Variants in KCNJ6 observed in about 807,000 individuals in gnomAD.
KCNJ6 encodes potassium inwardly rectifying channel subfamily J member 6.
A neutral mutation model predicts 34.2 loss-of-function variants in KCNJ6; 9 were observed. The ratio of observed to expected loss-of-function variants is 0.26; its 90% CI spans 0.16 to 0.46. The LOEUF (loss-of-function observed/expected upper bound fraction) is 0.46, where lower values mean the gene tolerates loss of function less well. KCNJ6 is among the 20% of genes least tolerant of loss of function. The pLI is 1.00. For missense variants in KCNJ6, 236 were observed against 531.3 expected (o/e 0.44, Z 5.46); for synonymous variants, 196 against 207.1 (o/e 0.95, Z 0.46).
intron 2 of KCNJ6, among the ~76,000 whole-genome samples, chr21:37,836,752 C>T (rs138697148): frequency 6.6e-6 from 1 of 151,982 alleles, no homozygotes; most frequent in African/African-American, 2.4e-5. Context: ...GTTGGGGGGC[C>T]AGAGGAGGGA....
intron 2 of KCNJ6, among the ~76,000 whole-genome samples, chr21:37,826,312 G>A (rs1297664471): frequency 6.6e-6 from 1 of 152,202 alleles, no homozygotes; most frequent in Non-Finnish European, 1.5e-5. Context: ...AAAACAGGAA[G>A]TTAAAATTAC....
Position 37,617,263 on chromosome 21 carries a change from G to T in KCNJ6, c.*7896C>A, listed in dbSNP as rs1266555452. 2.0e-5 allele frequency: 3 copies of T among 149,090 alleles called. No homozygotes were observed. The highest frequency in any genetic ancestry group is 7.5e-5 in the African/African-American group (3 of 40,194). 9.2% of individuals were successfully genotyped at this position (149,090 alleles called of 1,614,324 possible). On this transcript the variant is annotated 3_prime_UTR_variant, in exon 4 of 4. Coordinates refer to ENST00000609713, the MANE Select transcript of KCNJ6 (RefSeq NM_002240.5). ...AGACTGAGTCTCGCTCCGTGGCCCA[G>T]GCTGGAGTGCAGTGGCATGATCTCA...
chr21:37,814,554 G>T (rs2055337056), intron 2 of KCNJ6, among the ~76,000 whole-genome samples: 1 of 152,160 alleles, frequency 6.6e-6, no homozygotes, highest in Non-Finnish European at 1.5e-5. Flanking sequence ...CAGATGAATG[G>T]ATATAGAAAA....
intron 1 of KCNJ6, among the ~76,000 whole-genome samples, chr21:37,902,785 G>A (rs2055823235): frequency 1.3e-5 from 2 of 152,138 alleles, no homozygotes; most frequent in Non-Finnish European, 2.9e-5. Context: ...ACATGACTTT[G>A]CATTTTGGTG....
In KCNJ6 at chr21:37,665,005, C is replaced by T. The variant is rs566060611; in HGVS notation, c.947-39521G>A. 1.3e-3 allele frequency among the ~76,000 whole-genome samples: 193 copies of T among 152,072 alleles called. 1 individual carries two copies. Among genetic ancestry groups the T allele is most frequent in the African/African-American group, 4.2e-3 (176 of 41,474 alleles). On this transcript the variant is annotated intron_variant, in intron 3 of 3. Transcript: ENST00000609713. ...TAGAGACGGGGTTTCACCGTGTTAGCCAGGATGGTCTCGATCTCCTGACCT... is the reference window on the plus strand; with the variant it reads ...TAGAGACGGGGTTTCACCGTGTTAGTCAGGATGGTCTCGATCTCCTGACCT...
At chr21:37,891,733 A>G (rs2123635396) in intron 1 of KCNJ6, among the ~76,000 whole-genome samples, 1 of 152,268 alleles carries the variant, frequency 6.6e-6, no homozygotes, top group South Asian at 2.1e-4. Context: ...TAAATTTTAA[A>G]GGCTTGAATA....
At chr21:37,642,591 A>C (rs2054385929) in intron 3 of KCNJ6, among the ~76,000 whole-genome samples, 1 of 152,144 alleles carries the variant, frequency 6.6e-6, no homozygotes, top group Non-Finnish European at 1.5e-5. Context: ...TTTCTCAAGC[A>C]TCTGACCCCG....
chr21:37,655,260 AGAGAGAGAGAGAGAGAGAGAGAGAGT>A (rs1165610633), intron 3 of KCNJ6, among the ~76,000 whole-genome samples: 1,390 of 90,412 alleles, frequency 0.015, 57 homozygotes, highest in African/African-American at 0.054. Flanking sequence ...AGAGAGAGAG[AGAGAGAGAGAGAGAGAGAGAGAGAGT>A]GTAACCATGA....
chr21:37,785,010 C>T (rs1473086976), intron 2 of KCNJ6, among the ~76,000 whole-genome samples: 1 of 152,184 alleles, frequency 6.6e-6, no homozygotes, highest in African/African-American at 2.4e-5. Context: ...TGTCTGCCTG[C>T]TTTTGAGAGC....
chr21:37,905,486 T>C (rs77468123), intron 1 of KCNJ6, among the ~76,000 whole-genome samples: 11,418 of 152,208 alleles, frequency 0.075, 452 homozygotes, highest in African/African-American at 0.081. Context: ...GCAATTACTT[T>C]TGCACCAACC....
intron 2 of KCNJ6, among the ~76,000 whole-genome samples, chr21:37,765,838 C>T (rs986282217): frequency 3.1e-4 from 47 of 152,226 alleles, no homozygotes; most frequent in Non-Finnish European, 4.0e-4. Context: ...CAACTATCCT[C>T]ATTTAATTGT....
intron 2 of KCNJ6, among the ~76,000 whole-genome samples, chr21:37,801,547 G>A (rs1231068158): frequency 6.6e-6 from 1 of 152,130 alleles, no homozygotes; most frequent in African/African-American, 2.4e-5. Flanking sequence ...CACCCTCCTT[G>A]GGTCTCTACT....
rs191527860 is a variant in KCNJ6 at position 37,769,934 on chromosome 21, C to T, written c.26-54803G>A. Among the ~76,000 whole-genome samples the T allele has an allele frequency of 3.1e-3, 475 of 152,310 alleles. 6 individuals carry two copies. The highest frequency in any genetic ancestry group is 5.4e-3 in the Non-Finnish European group (364 of 68,036). On this transcript the variant is annotated intron_variant, in intron 2 of 3. Transcript: ENST00000609713. ...AAGCATCTTGGAAGTGGAGAGCCAT[C>T]CTCATCAGATAATTGAACCTACTGG...
chr21:37,837,716 T>TA (rs2055458904), intron 2 of KCNJ6, among the ~76,000 whole-genome samples: 1 of 151,382 alleles, frequency 6.6e-6, no homozygotes. Flanking sequence ...TCTGTCTGTT[T>TA]TTTTTTTTTT....
chr21:37,684,909 T>C (rs2054606486), intron 3 of KCNJ6, among the ~76,000 whole-genome samples: 1 of 152,206 alleles, frequency 6.6e-6, no homozygotes, highest in Non-Finnish European at 1.5e-5. Context: ...AAAACTGAGA[T>C]GGCAGAAAGA....
At chr21:37,723,495 A>G (rs2054837419) in intron 2 of KCNJ6, among the ~76,000 whole-genome samples, 1 of 152,230 alleles carries the variant, frequency 6.6e-6, no homozygotes, top group African/African-American at 2.4e-5. Context: ...CATTATTCAC[A>G]AAGAGTAAAG....
At chr21:37,872,173 G>T (rs2055655647) in intron 1 of KCNJ6, among the ~76,000 whole-genome samples, 1 of 152,194 alleles carries the variant, frequency 6.6e-6, no homozygotes, top group African/African-American at 2.4e-5. Context: ...TCCTCAGGGA[G>T]CTTACCTGGT....
At chr21:37,900,208 T>C (rs1185316521) in intron 1 of KCNJ6, among the ~76,000 whole-genome samples, 2 of 152,238 alleles carry the variant, frequency 1.3e-5, no homozygotes, top group Non-Finnish European at 2.9e-5. Context: ...GGCATTCTGA[T>C]ATAGTGTGTA....
At chr21:37,764,481 C>T (rs986612044) in intron 2 of KCNJ6, among the ~76,000 whole-genome samples, 17 of 151,388 alleles carry the variant, frequency 1.1e-4, no homozygotes, top group African/African-American at 4.1e-4. Context: ...TGGGTTCAAG[C>T]GATTCTCCTG....
Sources: gnomAD v4.1 joint callset for allele counts (sites outside exome capture counted in the v4.1 genomes callset) on GRCh38, gnomAD v4.1.1 for gene constraint, MANE v1.5 for transcripts, NCBI Gene and HGNC (gene_info 2026-07-23, HGNC 2026-07-21) for gene names.